Variants in VPS35L observed in about 807,000 individuals in gnomAD.
VPS35L encodes VPS35 endosomal protein sorting factor like.
A neutral mutation model predicts 133.0 loss-of-function variants in VPS35L; 83 were observed. The ratio of observed to expected loss-of-function variants is 0.62; its 90% CI spans 0.52 to 0.75. VPS35L has a LOEUF of 0.75. Ranked by LOEUF, VPS35L falls within the 30% of genes least tolerant of loss-of-function variation. The probability of loss-of-function intolerance (pLI) is 0.00; values close to 1 mark genes in which losing one functional copy is unlikely to be tolerated. For missense variants in VPS35L, 1,083 were observed against 1,206.8 expected (o/e 0.90, Z 1.52); for synonymous variants, 423 against 449.9 (o/e 0.94, Z 0.76).
rs772936090 is a variant in VPS35L, at chr16:19,616,206, T to A, written c.1101+15T>A. On this transcript the variant is annotated intron_variant, in intron 13 of 30. Transcript: ENST00000417362. ...CGTTCAAACAGGTAAGAGAACACTA[T>A]CAGAATAGCTCATCGATATAACAGT... 6.3e-7 allele frequency: 1 copy of A among 1,583,256 alleles called. No homozygotes were observed. The highest frequency in any genetic ancestry group is 8.7e-7 in the Non-Finnish European group (1 of 1,153,416).
intron 7 of VPS35L, among the ~76,000 whole-genome samples, chr16:19,582,540 C>T (rs933279262): frequency 3.9e-4 from 59 of 152,266 alleles, no homozygotes; most frequent in African/African-American, 1.3e-3. Context: ...AACCCACGCC[C>T]GTTTCTCTTC....
At chr16:19,594,640 G>A (rs1206947600) in intron 8 of VPS35L, among the ~76,000 whole-genome samples, 15 of 36,960 alleles carry the variant, frequency 4.1e-4, no homozygotes, top group Admixed American at 1.6e-3. Flanking sequence ...CTGAGATTTC[G>A]TCTCAAAAAA....
chr16:19,691,322 G>T (rs771713446), intron 28 of VPS35L, 31 bp from the exon 29 acceptor site: 1 of 1,576,600 alleles, frequency 6.3e-7, no homozygotes, highest in African/African-American at 1.4e-5. Flanking sequence ...CGGGGCTTGG[G>T]TCTGTCTCAC....
chr16:19,678,841 T>C (rs531495234), intron 27 of VPS35L, among the ~76,000 whole-genome samples: 13 of 151,836 alleles, frequency 8.6e-5, no homozygotes, highest in African/African-American at 3.1e-4. Context: ...ATGGGAAACT[T>C]TGTCCATGTA....
chr16:19,561,774 A>G (rs989433186), intron 1 of VPS35L, among the ~76,000 whole-genome samples: 2 of 152,106 alleles, frequency 1.3e-5, no homozygotes, highest in African/African-American at 2.4e-5. Context: ...CTGGGATGGG[A>G]TATTTTACAA....
At chr16:19,635,459 C>T (rs995606958) in intron 19 of VPS35L, among the ~76,000 whole-genome samples, 2 of 152,162 alleles carry the variant, frequency 1.3e-5, no homozygotes, top group African/African-American at 2.4e-5. Context: ...TGAACTAACA[C>T]AGACTAAAGA....
chr16:19,674,253 G>C (rs553929598), intron 27 of VPS35L, among the ~76,000 whole-genome samples: 1 of 135,598 alleles, frequency 7.4e-6, no homozygotes, highest in African/African-American at 2.8e-5. Flanking sequence ...AATGCAGTGC[G>C]CGATCTCGGC....
intron 27 of VPS35L, among the ~76,000 whole-genome samples, chr16:19,675,250 CT>C (rs61213469): frequency 0.18 from 25,894 of 141,002 alleles, 3,493 homozygotes; most frequent in African/African-American, 0.39. Flanking sequence ...TGCACCCAGT[CT>C]TTTTTTTTTT....
At chr16:19,560,652 C>G (rs1332081436) in intron 1 of VPS35L, among the ~76,000 whole-genome samples, 1 of 151,954 alleles carries the variant, frequency 6.6e-6, no homozygotes, top group African/African-American at 2.4e-5. Context: ...AAAAATTAGC[C>G]AGGCGTGGTG....
At chr16:19,595,003 G>A (rs937001620) in intron 8 of VPS35L, among the ~76,000 whole-genome samples, 3 of 152,130 alleles carry the variant, frequency 2.0e-5, no homozygotes, top group Non-Finnish European at 2.9e-5. Flanking sequence ...ATCCTGGGGT[G>A]GGAGCATTGG....
In VPS35L at chr16:19,633,183, T is replaced by G; in HGVS notation, c.1635+11T>G. 1 of 1,612,438 alleles carries G rather than the reference T, an allele frequency of 6.2e-7. No homozygotes were observed. On this transcript the variant is annotated intron_variant, in intron 19 of 30. Coordinates refer to ENST00000417362, the MANE Select transcript of VPS35L (RefSeq NM_020314.7). This position sits in a 1 kb window ranked among gnomAD's most constrained non-coding sequence, Gnocchi z 4.1. ...GATTCCTACCCCCAGGTAACAGATT[T>G]GCATTTCTCATTTCAACATTGTTAG...
rs73539578 is a variant in VPS35L, at chr16:19,681,364, G to A, written c.2362-861G>A. On this transcript the variant is annotated intron_variant, in intron 27 of 30. Coordinates refer to ENST00000417362, the MANE Select transcript of VPS35L (RefSeq NM_020314.7). ...ATCTTGGGCTAGATGGCCTCTTGCC[G>A]CTGCAGGTTCCAATCATGCTGTTCC... Among the ~76,000 whole-genome samples, 1,378 of 152,324 alleles carry A rather than the reference G, an allele frequency of 9.0e-3. 14 individuals carry two copies. Among genetic ancestry groups the A allele is most frequent in the African/African-American group, 0.031 (1,292 of 41,572 alleles).
intron 18 of VPS35L, among the ~76,000 whole-genome samples, chr16:19,630,586 T>TTG: frequency 6.6e-6 from 1 of 151,988 alleles, no homozygotes; most frequent in Non-Finnish European, 1.5e-5. Context: ...AGCCCGCCTC[T>TTG]GCCTCCCAAA....
chr16:19,621,122 G>A (rs1226972059), intron 14 of VPS35L, among the ~76,000 whole-genome samples: 1 of 151,854 alleles, frequency 6.6e-6, no homozygotes, highest in African/African-American at 2.4e-5. Context: ...AGAAGAGAGG[G>A]CCATCTAGAT....
intron 1 of VPS35L, among the ~76,000 whole-genome samples, chr16:19,563,700 C>G (rs1273791300): frequency 6.6e-6 from 1 of 152,226 alleles, no homozygotes. Context: ...AATGAAAACA[C>G]AGTGAGCTCT....
At chr16:19,690,601 T>A (rs1975635285) in intron 28 of VPS35L, among the ~76,000 whole-genome samples, 1 of 152,130 alleles carries the variant, frequency 6.6e-6, no homozygotes, top group Non-Finnish European at 1.5e-5. Flanking sequence ...GACTTCCTGG[T>A]TTAGGATCCC....
At chr16:19,697,543 G>T (rs1213981090) in intron 29 of VPS35L, among the ~76,000 whole-genome samples, 1 of 151,764 alleles carries the variant, frequency 6.6e-6, no homozygotes, top group East Asian at 1.9e-4. Context: ...ATTCTCACTT[G>T]GGAAAGGACA....
intron 26 of VPS35L, among the ~76,000 whole-genome samples, chr16:19,658,602 A>G (rs1974380314): frequency 6.6e-6 from 1 of 152,130 alleles, no homozygotes; most frequent in Non-Finnish European, 1.5e-5. Context: ...ACACTAGGCG[A>G]CACATGATAA....
chr16:19,683,476 A>G (rs899820957), intron 28 of VPS35L, among the ~76,000 whole-genome samples: 4 of 152,036 alleles, frequency 2.6e-5, no homozygotes, highest in African/African-American at 4.8e-5. Context: ...GTGGTCTCCA[A>G]TGTCTGTTGT....
Sources: gnomAD v4.1 joint callset for allele counts (sites outside exome capture counted in the v4.1 genomes callset) on GRCh38, gnomAD v4.1.1 for gene constraint, Gnocchi (gnomAD v3.1) non-coding constraint, MANE v1.5 for transcripts, NCBI Gene and HGNC (gene_info 2026-07-23, HGNC 2026-07-21) for gene names.